The following DMPK variants were observed in gnomAD, a reference collection of about 807,000 sequenced individuals.
DMPK encodes the protein DM1 protein kinase.
In DMPK, 32 loss-of-function variants were observed where a neutral mutation model predicts 70.3. That is an observed-to-expected ratio of 0.46 (90% CI 0.34 to 0.61). DMPK has a LOEUF of 0.61. Ranked by LOEUF, DMPK falls within the 20% of genes least tolerant of loss-of-function variation. The pLI is 0.01. For synonymous variants in DMPK, 469 were observed against 390.9 expected (o/e 1.20, Z -2.36); for missense variants, 899 against 886.0 (o/e 1.01, Z -0.19).
Position 45,777,920 on chromosome 19 carries a change from CCA to C in DMPK, c.676-49_676-48del. ...GAGGCTTGGGCCCACCCCTCTGGGCCCACCAGCTCTGGGCCCTCCTTCCAACC... is the reference window on the plus strand; with the variant it reads ...GAGGCTTGGGCCCACCCCTCTGGGCCCCAGCTCTGGGCCCTCCTTCCAACC... On this transcript the variant is annotated intron_variant, in intron 6 of 14. Coordinates refer to ENST00000291270, the MANE Select transcript of DMPK (RefSeq NM_004409.5). This position sits in a 1 kb window ranked among gnomAD's most constrained non-coding sequence, Gnocchi z 6.7. 1 of 1,548,420 alleles carries C rather than the reference CCA, an allele frequency of 6.5e-7. No individual in the cohort carries two copies. Among genetic ancestry groups the C allele is most frequent in the Admixed American group, 1.8e-5 (1 of 56,728 alleles).
rs1254902422 is a variant in DMPK at position 45,770,437 on chromosome 19, C to T, written c.*51G>A. The T allele has an allele frequency of 1.3e-6, 2 of 1,544,700 alleles. No individual in the cohort carries two copies. The highest frequency in any genetic ancestry group is 8.7e-7 in the Non-Finnish European group (1 of 1,143,312). On this transcript the variant is annotated 3_prime_UTR_variant, in exon 15 of 15. Coordinates refer to ENST00000291270, the MANE Select transcript of DMPK (RefSeq NM_004409.5). ...TGGGCGCGGCTTCTGTGCCGTGCCC[C>T]GGGCACTCAGTCTTCCAACGGGGCC... is the stretch of plus-strand genomic sequence containing the variant.
At chr19:45,771,992 G>A in intron 10 of DMPK, 64 bp from the exon 11 acceptor site, 1 of 1,481,178 alleles carries the variant, frequency 6.8e-7, no homozygotes, top group South Asian at 1.3e-5. Flanking sequence ...CTTGGGCACT[G>A]GTTCCAGGCT....
At chr19:45,778,902 A>T (rs1969943696) in intron 4 of DMPK, 2 of 553,768 alleles carry the variant, frequency 3.6e-6, no homozygotes, top group South Asian at 4.6e-5. Context: ...ATGTTCTGGG[A>T]AAGAGAACCC....
Position 45,779,373 on chromosome 19 carries a change from G to A in DMPK, c.337-14C>T, listed in dbSNP as rs774500030. On this transcript the variant is annotated splice_polypyrimidine_tract_variant and intron_variant, in intron 3 of 14. Transcript: ENST00000291270. ...GAAGCACGACACCTGCAGGGCACCC[G>A]GAGGAGCTGCAGCCGGAGACGGGGC... is the stretch of plus-strand genomic sequence containing the variant. The A allele has an allele frequency of 3.7e-6, 6 of 1,613,878 alleles. No homozygotes were observed. The African/African-American group carries it at 5.3e-5, about 14-fold the overall frequency.
rs1238034130 is a variant in DMPK, at chr19:45,769,739, T to G, written c.*749A>C. Reference sequence around the variant, plus strand: ...AGCTTTGGGCAGATGGAGGGCCTTTTATTCGCGAGGGTCGGGGGTGGGGGT... The same window carrying G: ...AGCTTTGGGCAGATGGAGGGCCTTTGATTCGCGAGGGTCGGGGGTGGGGGT... On this transcript the variant is annotated 3_prime_UTR_variant, in exon 15 of 15. Transcript: ENST00000291270. 4.6e-5 allele frequency: 7 copies of G among 152,746 alleles called. No homozygotes were observed. The highest frequency in any genetic ancestry group is 1.3e-4 in the Admixed American group (2 of 15,866). 9.5% of individuals were successfully genotyped at this position (152,746 alleles called of 1,614,324 possible). A position where few individuals can be genotyped will look rare whatever the true frequency, so the allele number is the denominator to read the frequency against.
In DMPK at chr19:45,782,208, C is replaced by G. The variant is rs781435746; in HGVS notation, c.145G>C (p.Asp49His). 4 of 1,503,936 alleles carry G rather than the reference C, an allele frequency of 2.7e-6. No individual in the cohort carries two copies. The highest frequency in any genetic ancestry group is 3.6e-6 in the Non-Finnish European group (4 of 1,114,864). The allele number at this position is 1,503,936 out of a possible 1,614,324, so 93.2% of individuals were successfully genotyped here. The change falls in exon 1 of 15, where the codon GAC becomes CAC. Residue 49 changes from aspartate (D) to histidine (H), a missense_variant. Physicochemically the swap from Asp to His is moderately conservative, Grantham distance 81. This residue lies in a region of DMPK where 149 missense variants were observed against 142.5 expected (regional missense o/e 1.05). Transcript: ENST00000291270. ...SELAQDKYVA[D>H]FLQWAEPIVV... is the part of the protein sequence containing the mutation. ...AGGCACTCACCCCACTGCAAGAAGT[C>G]GGCCACGTACTTGTCCTGGGCCAGT...
At chr19:45,771,719 A>G in intron 11 of DMPK, 52 bp downstream of exon 11, 1 of 1,608,962 alleles carries the variant, frequency 6.2e-7, no homozygotes, top group South Asian at 1.1e-5. Context: ...AGGGGATGCC[A>G]AGGGTTGCCA....
intron 4 of DMPK, 59 bp from the exon 5 acceptor site, chr19:45,778,700 A>G: frequency 6.4e-7 from 1 of 1,563,480 alleles, no homozygotes; most frequent in Non-Finnish European, 8.7e-7. Context: ...TCCATCACGG[A>G]TGGCTGGGAC....
rs1441262440 is a variant in DMPK, at chr19:45,772,760, G to C, written c.1233-8C>G. 2 of 1,433,278 alleles carry C rather than the reference G, an allele frequency of 1.4e-6. No homozygotes were observed. The highest frequency in any genetic ancestry group is 3.0e-5 in the South Asian group (2 of 66,630). The allele number at this position is 1,433,278 out of a possible 1,614,324, so 88.8% of individuals were successfully genotyped here. ...CCTGGGACCTCACTGTCCCTGGGGA[G>C]AGGAGGAGGGAGTGGGGAGGGAGAC... On this transcript the variant is annotated splice_polypyrimidine_tract_variant and splice_region_variant and intron_variant, in intron 9 of 14. Coordinates refer to ENST00000291270, the MANE Select transcript of DMPK (RefSeq NM_004409.5).
rs201689719 is a variant in DMPK at position 45,777,742 on chromosome 19, A to G, written c.807T>C (p.Tyr269=). The change falls in exon 7 of 15, where the codon TAT becomes TAC. Residue 269 remains tyrosine (Y), a synonymous_variant. Transcript: ENST00000291270. The surrounding 1 kb of genome is among the most constrained non-coding windows in gnomAD (Gnocchi z 6.7). ...AGGGCGTCTGCCCATAGAACATTTC[A>G]TAGGCGAATACACCCAGCGCCCACC... ...CDWWALGVFA[Y]EMFYGQTPFY... The G allele has an allele frequency of 1.6e-4, 256 of 1,613,744 alleles. No individual in the cohort carries two copies. The highest frequency in any genetic ancestry group is 2.0e-4 in the Non-Finnish European group (232 of 1,180,018).
rs531886633 is a variant in DMPK at position 45,775,728 on chromosome 19, G to T, written c.1147-694C>A. Among the ~76,000 whole-genome samples, 3 of 111,082 alleles carry T rather than the reference G, an allele frequency of 2.7e-5. 1 individual carries two copies. The highest frequency in any genetic ancestry group is 2.3e-4 in the Admixed American group (2 of 8,694). 72.9% of individuals were successfully genotyped at this position (111,082 alleles called of 152,430 possible). Reference sequence around the variant, plus strand: ...ACACAGGGTTTCACCATGTTGGCCAGGCTGGTCTTGAACTCCTGACTTCCA... The same window carrying T: ...ACACAGGGTTTCACCATGTTGGCCATGCTGGTCTTGAACTCCTGACTTCCA... On this transcript the variant is annotated intron_variant, in intron 8 of 14. Transcript: ENST00000291270.
chr19:45,777,497 C>T lies in DMPK; in HGVS notation c.976G>A (p.Gly326Ser). The T allele has an allele frequency of 1.2e-6, 2 of 1,613,542 alleles. No individual in the cohort carries two copies. The highest frequency in any genetic ancestry group is 1.7e-6 in the Non-Finnish European group (2 of 1,180,036). The change falls in exon 8 of 15, where the codon GGC (glycine) becomes AGC (serine). Residue 326 changes from glycine to serine, a missense_variant. Around this residue, in one of 3 missense-constraint regions of DMPK, gnomAD observed 555 missense variants for 483.8 expected, o/e 1.15. Coordinates refer to ENST00000291270, the MANE Select transcript of DMPK (RefSeq NM_004409.5). The surrounding 1 kb of genome is among the most constrained non-coding windows in gnomAD (Gnocchi z 6.7). ...RLLCPPETRLGRGGAGDFRTH... is the reference protein window; with the variant it reads ...RLLCPPETRLSRGGAGDFRTH... ...CGGAAGTCGCCTGCTCCACCCCGGC[C>T]CAGCCGTGTCTCCGGGGGACACAGC...
At chr19:45,773,353 CGT>C (rs1969585923) in intron 9 of DMPK, among the ~76,000 whole-genome samples, 3 of 152,194 alleles carry the variant, frequency 2.0e-5, no homozygotes, top group African/African-American at 7.2e-5. Flanking sequence ...CCTGACCCAC[CGT>C]TCAGGCCCCG....
intron 1 of DMPK, among the ~76,000 whole-genome samples, chr19:45,781,932 C>T (rs931051779): frequency 6.6e-5 from 10 of 152,178 alleles, no homozygotes; most frequent in Admixed American, 4.6e-4. Flanking sequence ...GGCAGCCTAG[C>T]CTGCTGTGAC....
chr19:45,778,271 T>C (rs1180873588), intron 5 of DMPK, 51 bp from the exon 6 acceptor site: 14 of 1,549,252 alleles, frequency 9.0e-6, no homozygotes, highest in Non-Finnish European at 1.2e-5. Flanking sequence ...CCTTCTGTGG[T>C]CCCACCAGGC....
At position 45,782,314 on chromosome 19, in the gene DMPK, C is replaced by G; in HGVS notation, c.39G>C (p.Leu13=). Residue 13 remains leucine (L), a synonymous_variant, in exon 1 of 15, where the codon CTG becomes CTC. Transcript: ENST00000291270. ...GCCCCAGGAAGCCCGGGTCCAACAC[C>G]AGCTGCTGGAGCCGCCTCAGCCGCA... The part of the protein sequence containing the change: ...AEVRLRRLQQ[L]VLDPGFLGLE... The G allele has an allele frequency of 6.3e-7, 1 of 1,588,776 alleles. No homozygotes were observed. The highest frequency in any genetic ancestry group is 8.6e-7 in the Non-Finnish European group (1 of 1,168,800).
chr19:45,779,266 G>A lies in DMPK; in HGVS notation c.430C>T (p.Leu144=), dbSNP rs770110893. The A allele has an allele frequency of 8.1e-6, 13 of 1,613,960 alleles. No homozygotes were observed. Among genetic ancestry groups the A allele is most frequent in the South Asian group, 2.2e-5 (2 of 91,076 alleles). ...LHFAFQDENY[L]YLVMEYYVGG... is the part of the protein sequence containing the mutation. The stretch of plus-strand genomic sequence containing the variant: ...AGTCACCCCGGCCCGGAGCTCACCA[G>A]GTAGTTCTCATCCTGGAAGGCGAAG... The change falls in exon 4 of 15, where the codon CTG becomes TTG. Residue 144 remains leucine, a splice_region_variant and synonymous_variant. Coordinates refer to ENST00000291270, the MANE Select transcript of DMPK (RefSeq NM_004409.5).
intron 13 of DMPK, 27 bp downstream of exon 13, chr19:45,771,323 G>A: frequency 3.2e-6 from 5 of 1,580,426 alleles, no homozygotes; most frequent in Non-Finnish European, 4.3e-6. Context: ...CAGCAGGTCT[G>A]AGGCAGGGGA....
Position 45,782,281 on chromosome 19 carries a change from G to A in DMPK, c.72C>T (p.Pro24=). The change falls in exon 1 of 15, where the codon CCC becomes CCT. Residue 24 remains proline (P), a synonymous_variant. Transcript: ENST00000291270. ...VLDPGFLGLE[P]LLDLLLGVHQ... is the part of the protein sequence containing the mutation. The stretch of plus-strand genomic sequence containing the variant: ...GGACGCCCAGGAGAAGGTCGAGCAG[G>A]GGCTCCAGCCCCAGGAAGCCCGGGT... 1 of 1,603,414 alleles carries A rather than the reference G, an allele frequency of 6.2e-7. No homozygotes were observed. The highest frequency in any genetic ancestry group is 8.5e-7 in the Non-Finnish European group (1 of 1,176,052).
Sources: allele counts gnomAD v4.1 joint callset (sites outside exome capture counted in the v4.1 genomes callset), GRCh38; gene constraint gnomAD v4.1.1; regional missense constraint gnomAD v4.1.1; non-coding constraint Gnocchi (gnomAD v3.1); transcripts MANE v1.5; gene names NCBI Gene and HGNC (gene_info 2026-07-23, HGNC 2026-07-21).